CDC27: variants seen among roughly 807,000 people sequenced by gnomAD.
CDC27 encodes cell division cycle protein 27 homolog.
In CDC27, 27 loss-of-function variants were observed where a neutral mutation model predicts 109.7. The ratio of observed to expected loss-of-function variants is 0.25; its 90% CI spans 0.18 to 0.34. CDC27 has a LOEUF of 0.34. Among genes scored for constraint, CDC27 ranks in the 10% least tolerant of loss-of-function variants. The pLI, the probability that CDC27 is intolerant of heterozygous loss-of-function variation, is 1.00. For missense variants in CDC27, 579 were observed against 960.2 expected, an observed-to-expected ratio of 0.60 and a Z score of 5.25; for synonymous variants, 266 against 333.9, an observed-to-expected ratio of 0.80 and a Z score of 2.22.
chr17:47,126,777 A>G (rs150179985), intron 16 of CDC27, among the ~76,000 whole-genome samples: 1 of 152,138 alleles, frequency 6.6e-6, no homozygotes, highest in East Asian at 1.9e-4. Flanking sequence ...GGCTTATTAG[A>G]TTTAAAATAA....
chr17:47,158,729 C>T (rs773676972), intron 4 of CDC27, among the ~76,000 whole-genome samples: 17 of 152,034 alleles, frequency 1.1e-4, no homozygotes, highest in Non-Finnish European at 2.1e-4. Flanking sequence ...AGCCATCCTC[C>T]TACCTCAGCC....
chr17:47,183,562 T>C (rs552028486), intron 1 of CDC27, among the ~76,000 whole-genome samples: 3 of 152,300 alleles, frequency 2.0e-5, no homozygotes, highest in African/African-American at 7.2e-5. Context: ...AATTTTACCA[T>C]TCCTATCTAG....
intron 2 of CDC27, among the ~76,000 whole-genome samples, chr17:47,179,649 G>A (rs974753810): frequency 6.6e-6 from 1 of 152,158 alleles, no homozygotes; most frequent in Non-Finnish European, 1.5e-5. Context: ...ACTGAGCCAG[G>A]ATAGTATCTG....
intron 10 of CDC27, 140 bp downstream of exon 10, chr17:47,143,743 T>C (rs969731987): frequency 2.5e-5 from 8 of 315,356 alleles, no homozygotes; most frequent in South Asian, 3.1e-4. Context: ...ACAAAAATCA[T>C]AGATGGCCCT....
intron 5 of CDC27, 93 bp downstream of exon 5, chr17:47,158,113 G>C (rs2063374221): frequency 2.1e-6 from 1 of 466,074 alleles, no homozygotes. Context: ...TTTCTTGGGG[G>C]TAGATGATCT....
chr17:47,151,957 G>T, intron 8 of CDC27, 39 bp from the exon 9 acceptor site: 1 of 1,555,862 alleles, frequency 6.4e-7, no homozygotes, highest in Non-Finnish European at 8.7e-7. Context: ...TGAATTATGG[G>T]CTGCACTGTA....
rs1245495811 is a variant in CDC27, at chr17:47,118,302, G to A, written c.*2633C>T. 1.3e-5 allele frequency: 2 copies of A among 152,144 alleles called. No homozygotes were observed. The highest frequency in any genetic ancestry group is 2.9e-5 in the Non-Finnish European group (2 of 67,970). The allele number at this position is 152,144 out of a possible 1,614,324, so 9.4% of individuals were successfully genotyped here. A position where few individuals can be genotyped will look rare whatever the true frequency, so the allele number is the denominator to read the frequency against. On this transcript the variant is annotated 3_prime_UTR_variant, in exon 19 of 19. Coordinates refer to ENST00000066544, the MANE Select transcript of CDC27 (RefSeq NM_001256.6). The stretch of plus-strand genomic sequence containing the variant: ...GGTTCAAATGTTACTTGTAGTTCTC[G>A]GAAAAATTAAAAATTTTAAGTGATG...
At chr17:47,160,022 A>C in intron 4 of CDC27, 1 of 229,824 alleles carries the variant, frequency 4.4e-6, no homozygotes, top group Non-Finnish European at 8.6e-6. Context: ...TTTTCAAACA[A>C]ACTAGAGGTG....
chr17:47,158,018 G>A (rs11570482), intron 5 of CDC27, among the ~76,000 whole-genome samples, 188 bp downstream of exon 5: 92 of 152,248 alleles, frequency 6.0e-4, no homozygotes, highest in African/African-American at 2.1e-3. Context: ...TTTAATCTTT[G>A]TGTAATTTTC....
At chr17:47,176,484 G>C (rs529239400) in intron 2 of CDC27, among the ~76,000 whole-genome samples, 1 of 152,274 alleles carries the variant, frequency 6.6e-6, no homozygotes, top group East Asian at 1.9e-4. Flanking sequence ...ACCACGCTTA[G>C]AGTAAAAAGA....
Position 47,123,969 on chromosome 17 carries a change from G to C in CDC27, c.2161-9C>G. The C allele has an allele frequency of 6.4e-7, 1 of 1,570,840 alleles. No homozygotes were observed. The highest frequency in any genetic ancestry group is 1.2e-5 in the South Asian group (1 of 83,376). On this transcript the variant is annotated splice_polypyrimidine_tract_variant and intron_variant, in intron 16 of 18. Transcript: ENST00000066544. ...AGTTCTTGTAAAGCAGACTGAAAAA[G>C]GCAAAGAAAAACCTTAAAGTAGCAA...
chr17:47,135,999 G>A (rs541246408), intron 14 of CDC27, among the ~76,000 whole-genome samples: 9 of 152,066 alleles, frequency 5.9e-5, no homozygotes, highest in East Asian at 1.9e-4. Context: ...AAAATTAGCC[G>A]GGCATGGTGG....
At chr17:47,181,395 G>A (rs2064232345) in intron 2 of CDC27, 167 bp downstream of exon 2, 1 of 357,250 alleles carries the variant, frequency 2.8e-6, no homozygotes, top group African/African-American at 2.1e-5. Context: ...ATTAAAAGTA[G>A]TATGTAAGGG....
chr17:47,150,203 C>T (rs2063113362), intron 9 of CDC27, among the ~76,000 whole-genome samples: 1 of 152,068 alleles, frequency 6.6e-6, no homozygotes, highest in South Asian at 2.1e-4. Flanking sequence ...ACTACAAACT[C>T]CAAACAACCT....
At chr17:47,153,670 G>A (rs1410444334) in intron 8 of CDC27, among the ~76,000 whole-genome samples, 1 of 152,138 alleles carries the variant, frequency 6.6e-6, no homozygotes, top group African/African-American at 2.4e-5. Context: ...CATGGCAATA[G>A]GTATTTTATA....
In CDC27 at chr17:47,142,224, C is replaced by T; in HGVS notation, c.1378+5G>A. On this transcript the variant is annotated splice_donor_5th_base_variant and intron_variant, in intron 11 of 18. Coordinates refer to ENST00000066544, the MANE Select transcript of CDC27 (RefSeq NM_001256.6). Reference sequence around the variant, plus strand: ...CAAAGATAATATTAAGCATTTAAAACAGACCTGCTGCTGCTTTTTGTAGAT... The same window carrying T: ...CAAAGATAATATTAAGCATTTAAAATAGACCTGCTGCTGCTTTTTGTAGAT... The T allele has an allele frequency of 6.5e-7, 1 of 1,542,406 alleles. No homozygotes were observed. The highest frequency in any genetic ancestry group is 2.3e-5 in the East Asian group (1 of 44,232).
At chr17:47,139,913 AAAATCAGTTTCCTAGTTTATC>A (rs1469949066) in intron 12 of CDC27, 1 of 152,090 alleles carries the variant, frequency 6.6e-6, no homozygotes, top group Non-Finnish European at 1.5e-5. Flanking sequence ...TAGGTTATAT[AAAATCAGTTTCCTAGTTTATC>A]AATTTACCAA....
At chr17:47,156,836 C>A (rs2061912479) in intron 7 of CDC27, 77 bp downstream of exon 7, 1 of 500,536 alleles carries the variant, frequency 2.0e-6, no homozygotes, top group East Asian at 3.1e-5. Flanking sequence ...TTGTAATAAT[C>A]TGCATTACTA....
At chr17:47,144,029 T>C (rs764910434) in intron 9 of CDC27, 47 bp from the exon 10 acceptor site, 1 of 769,480 alleles carries the variant, frequency 1.3e-6, no homozygotes, top group South Asian at 3.6e-5. Flanking sequence ...ACTTGATTTA[T>C]GACCATTAAC....
Sources: allele counts gnomAD v4.1 joint callset (sites outside exome capture counted in the v4.1 genomes callset), GRCh38; gene constraint gnomAD v4.1.1; transcripts MANE v1.5; gene names NCBI Gene and HGNC (gene_info 2026-07-23, HGNC 2026-07-21).